The following ZNF532 variants were observed in gnomAD, a reference collection of about 807,000 sequenced individuals.
ZNF532 encodes zinc finger protein 532.
Under a neutral mutation model 89.3 loss-of-function variants are expected in ZNF532, and 22 were observed. The observed-to-expected ratio is 0.25, with a 90% confidence interval of 0.18 to 0.35. The LOEUF is 0.35. ZNF532 is among the 10% of genes least tolerant of loss of function. The probability of loss-of-function intolerance (pLI) is 1.00; values close to 1 mark genes in which losing one functional copy is unlikely to be tolerated. For synonymous variants in ZNF532, 606 were observed against 649.6 expected, an observed-to-expected ratio of 0.93 and a Z score of 1.02; for missense variants, 1,132 against 1,643.4, an observed-to-expected ratio of 0.69 and a Z score of 5.38.
intron 2 of ZNF532, among the ~76,000 whole-genome samples, chr18:58,898,353 G>C (rs931803010): frequency 6.6e-6 from 1 of 152,228 alleles, no homozygotes; most frequent in Non-Finnish European, 1.5e-5. Flanking sequence ...TTTAATGTAT[G>C]TAGGGCCTGG....
intron 7 of ZNF532, among the ~76,000 whole-genome samples, chr18:58,964,416 G>A (rs1051295019): frequency 2.0e-5 from 3 of 152,102 alleles, no homozygotes; most frequent in Admixed American, 6.6e-5. Context: ...CTGCATTTGT[G>A]TCAGATGTGA....
chr18:58,933,261 G>T (rs1224711935), intron 3 of ZNF532, among the ~76,000 whole-genome samples: 5 of 151,952 alleles, frequency 3.3e-5, no homozygotes, highest in Non-Finnish European at 7.4e-5. Context: ...CATTTTTTGG[G>T]ATAAAATTTG....
intron 7 of ZNF532, among the ~76,000 whole-genome samples, chr18:58,967,546 C>G (rs961911198): frequency 6.6e-6 from 1 of 152,216 alleles, no homozygotes; most frequent in Non-Finnish European, 1.5e-5. Flanking sequence ...CCTGCCCCCC[C>G]GTGCACCCTT....
chr18:58,895,217 C>T (rs542640128), intron 2 of ZNF532, among the ~76,000 whole-genome samples: 3 of 152,268 alleles, frequency 2.0e-5, no homozygotes, highest in East Asian at 3.9e-4. Context: ...GCAGTAGCTG[C>T]GTCGTCTTCT....
chr18:58,907,053 A>G (rs2059974538), intron 2 of ZNF532, among the ~76,000 whole-genome samples: 1 of 152,204 alleles, frequency 6.6e-6, no homozygotes, highest in African/African-American at 2.4e-5. Context: ...GACCTGGAAA[A>G]GATGGCTCAC....
intron 2 of ZNF532, among the ~76,000 whole-genome samples, chr18:58,877,259 A>C (rs144273864): frequency 3.3e-5 from 5 of 152,150 alleles, no homozygotes; most frequent in African/African-American, 7.2e-5. Flanking sequence ...GAAAACGGCT[A>C]GTCACATCAC....
intron 2 of ZNF532, among the ~76,000 whole-genome samples, chr18:58,889,605 G>C (rs1308004439): frequency 6.7e-6 from 1 of 149,242 alleles, no homozygotes; most frequent in Admixed American, 6.7e-5. Flanking sequence ...TTTGAGACCA[G>C]CCTGGCCAAT....
chr18:58,883,203 T>C (rs1756591985), intron 2 of ZNF532, among the ~76,000 whole-genome samples: 1 of 152,256 alleles, frequency 6.6e-6, no homozygotes, highest in South Asian at 2.1e-4. Flanking sequence ...TTTCCTGTTT[T>C]CTGTTTACTC....
chr18:58,981,257 A>G (rs1022660111), intron 8 of ZNF532: 24 of 593,756 alleles, frequency 4.0e-5, no homozygotes, highest in Non-Finnish European at 6.9e-5. Flanking sequence ...TTGAAATGCA[A>G]TATTTTCCCT....
At chr18:58,939,195 C>T (rs758395868) in intron 4 of ZNF532, among the ~76,000 whole-genome samples, 16 of 125,256 alleles carry the variant, frequency 1.3e-4, no homozygotes, top group Middle Eastern at 6.7e-3. Context: ...TGCAATGAGC[C>T]GGGATCACAC....
chr18:58,868,449 C>A (rs1377039243), intron 2 of ZNF532, among the ~76,000 whole-genome samples: 3 of 152,212 alleles, frequency 2.0e-5, no homozygotes, highest in Non-Finnish European at 4.4e-5. Flanking sequence ...CCCATCACAC[C>A]AGAGCATTTC....
chr18:58,909,483 T>C (rs1391303853), intron 2 of ZNF532, among the ~76,000 whole-genome samples: 3 of 152,130 alleles, frequency 2.0e-5, no homozygotes, highest in East Asian at 3.8e-4. Context: ...TGGGAGTTGC[T>C]GAGGTTGCCT....
chr18:58,981,382 C>T (rs886320720), intron 8 of ZNF532, 88 bp from the exon 9 acceptor site: 102 of 1,518,484 alleles, frequency 6.7e-5, no homozygotes, highest in East Asian at 6.3e-4. Context: ...TGTGAACTGA[C>T]GGCTAAGGAG....
At chr18:58,963,056 G>GT (rs1229428965) in intron 7 of ZNF532, among the ~76,000 whole-genome samples, 9 of 152,076 alleles carry the variant, frequency 5.9e-5, no homozygotes, top group Non-Finnish European at 1.3e-4. Context: ...ACACACCTTT[G>GT]TTGAGTTTAT....
intron 8 of ZNF532, 193 bp downstream of exon 8, chr18:58,979,360 G>C: frequency 2.9e-6 from 1 of 345,608 alleles, no homozygotes; most frequent in Non-Finnish European, 5.3e-6. Context: ...AAAAAAAGGA[G>C]CATTTTCTTG....
rs2060868216 is a variant in ZNF532, at chr18:58,919,502, C to T, written c.1215C>T (p.Ser405=). ...QTASVMASVT[S]LLSSPASAAV... ...CGTCCGTGATGGCCTCTGTGACATC[C>T]CTTCTGTCGTCTCCAGCATCAGCCG... is the stretch of plus-strand genomic sequence containing the variant. Residue 405 remains serine, a synonymous_variant, in exon 3 of 10, where the codon TCC becomes TCT. Coordinates refer to ENST00000591808, the MANE Select transcript of ZNF532 (RefSeq NM_001375912.1). This position sits in a 1 kb window ranked among gnomAD's most constrained non-coding sequence, Gnocchi z 6.1. 2.5e-6 allele frequency: 4 copies of T among 1,614,068 alleles called. No homozygotes were observed. In the South Asian group the frequency reaches 3.3e-5, roughly 13 times the overall value.
At chr18:58,957,938 G>A (rs2064961193) in intron 7 of ZNF532, among the ~76,000 whole-genome samples, 1 of 151,956 alleles carries the variant, frequency 6.6e-6, no homozygotes, top group Non-Finnish European at 1.5e-5. Flanking sequence ...AGTGGCAGGT[G>A]CCTTGTAATC....
chr18:58,912,572 T>C (rs907455784), intron 2 of ZNF532, among the ~76,000 whole-genome samples: 11 of 152,122 alleles, frequency 7.2e-5, no homozygotes, highest in Non-Finnish European at 1.2e-4. Context: ...GTCAGCTTTC[T>C]TCCCTGTGGC....
chr18:58,969,232 C>A (rs1307951946), intron 7 of ZNF532, among the ~76,000 whole-genome samples: 1 of 152,176 alleles, frequency 6.6e-6, no homozygotes, highest in African/African-American at 2.4e-5. Flanking sequence ...CACAGTCTTA[C>A]TGCTTGGCAG....
Sources: gnomAD v4.1 joint callset for allele counts (sites outside exome capture counted in the v4.1 genomes callset) on GRCh38, gnomAD v4.1.1 for gene constraint, Gnocchi (gnomAD v3.1) non-coding constraint, MANE v1.5 for transcripts, NCBI Gene and HGNC (gene_info 2026-07-23, HGNC 2026-07-21) for gene names.